Variants in DYRK4 observed in about 807,000 individuals in gnomAD.
DYRK4 encodes the protein dual specificity tyrosine-phosphorylation-regulated kinase 4.
Under a neutral mutation model 68.3 loss-of-function variants are expected in DYRK4, and 64 were observed. That is an observed-to-expected ratio of 0.94 (90% CI 0.77 to 1.15). DYRK4 has a LOEUF of 1.15. DYRK4 is among the 50% of genes most tolerant of loss of function. DYRK4 has a pLI of 0.00. For missense variants in DYRK4, 740 were observed against 764.7 expected, an observed-to-expected ratio of 0.97 and a Z score of 0.38; for synonymous variants, 274 against 289.9, an observed-to-expected ratio of 0.95 and a Z score of 0.56.
intron 2 of DYRK4, among the ~76,000 whole-genome samples, chr12:4,571,104 C>G (rs1944725975): frequency 6.6e-6 from 1 of 152,172 alleles, no homozygotes; most frequent in Admixed American, 6.5e-5. Context: ...TTCTGGGACT[C>G]GAGGAGCTAG....
chr12:4,572,950 C>T lies in DYRK4; in HGVS notation c.132+4902C>T, dbSNP rs553071539. 3 of 245,420 alleles carry T rather than the reference C, an allele frequency of 1.2e-5. No homozygotes were observed. The East Asian group carries it at 3.7e-4, about 30-fold the overall frequency. The allele number at this position is 245,420 out of a possible 1,614,324, so 15.2% of individuals were successfully genotyped here. ...TCATTTCCATGTCTCATCAGCACTTCCTATACGAAAAGCAGGAACAAAACA... is the reference window on the plus strand; with the variant it reads ...TCATTTCCATGTCTCATCAGCACTTTCTATACGAAAAGCAGGAACAAAACA... On this transcript the variant is annotated intron_variant, in intron 2 of 14. Coordinates refer to ENST00000543431, the MANE Select transcript of DYRK4 (RefSeq NM_001394779.1).
At chr12:4,598,970 A>G in intron 8 of DYRK4, 58 bp from the exon 9 acceptor site, 1 of 1,597,810 alleles carries the variant, frequency 6.3e-7, no homozygotes, top group South Asian at 1.1e-5. Context: ...TGCAGGTTCA[A>G]ACTCAGCCTT....
chr12:4,607,246 T>C, intron 11 of DYRK4, 81 bp from the exon 12 acceptor site: 2 of 1,546,828 alleles, frequency 1.3e-6, no homozygotes. Context: ...AAGGCAAAGC[T>C]TGGCCAAAGT....
At chr12:4,605,726 TG>T (rs767987749) in intron 11 of DYRK4, among the ~76,000 whole-genome samples, 1 of 101,698 alleles carries the variant, frequency 9.8e-6, no homozygotes, top group Non-Finnish European at 1.8e-5. Context: ...TGAATAGAGC[TG>T]GGTTTTTTTT....
At position 4,613,627 on chromosome 12, in the gene DYRK4, G is replaced by C; in HGVS notation, c.1779G>C (p.Leu593=). ...AGCACGGAGCTGACACTGTTCAGCT[G>C]CCTCAACTGGTAGACGCTCCCAAGA... is the stretch of plus-strand genomic sequence containing the variant. ...CLQHGADTVQ[L]PQLVDAPKKS... The change falls in exon 15 of 15, where the codon CTG becomes CTC. Residue 593 remains leucine (L), a synonymous_variant. Coordinates refer to ENST00000543431, the MANE Select transcript of DYRK4 (RefSeq NM_001394779.1). This position sits in a 1 kb window ranked among gnomAD's most constrained non-coding sequence, Gnocchi z 4.0. 1 of 1,614,052 alleles carries C rather than the reference G, an allele frequency of 6.2e-7. No homozygotes were observed. Among genetic ancestry groups the C allele is most frequent in the South Asian group, 1.1e-5 (1 of 91,076 alleles).
chr12:4,613,376 TTGGA>T lies in DYRK4; in HGVS notation c.1667-138_1667-135del. The T allele has an allele frequency of 9.1e-7, 1 of 1,100,602 alleles. No individual in the cohort carries two copies. Among genetic ancestry groups the T allele is most frequent in the Non-Finnish European group, 1.3e-6 (1 of 782,630 alleles). The allele number at this position is 1,100,602 out of a possible 1,614,324, so 68.2% of individuals were successfully genotyped here. A position where few individuals can be genotyped will look rare whatever the true frequency, so the allele number is the denominator to read the frequency against. On this transcript the variant is annotated intron_variant, in intron 14 of 14. Transcript: ENST00000543431. This position sits in a 1 kb window ranked among gnomAD's most constrained non-coding sequence, Gnocchi z 4.0. ...AGTGCTTAGAATAATGCCCGGCACA[TTGGA>T]GGTGCTTTACAAATGAACTGTTTTT...
At chr12:4,565,992 G>A (rs1944672731) in intron 1 of DYRK4, among the ~76,000 whole-genome samples, 1 of 152,198 alleles carries the variant, frequency 6.6e-6, no homozygotes, top group Non-Finnish European at 1.5e-5. Flanking sequence ...TCGATACAGA[G>A]TCTTGGCAGG....
At chr12:4,605,728 G>GTTTTTTTTTTTTTTT (rs780888385) in intron 11 of DYRK4, among the ~76,000 whole-genome samples, 1 of 68,938 alleles carries the variant, frequency 1.5e-5, no homozygotes, top group African/African-American at 6.6e-5. Context: ...AATAGAGCTG[G>GTTTTTTTTTTTTTTT]GTTTTTTTTT....
In DYRK4 at chr12:4,593,140, A is replaced by C. The variant is rs1451950652; in HGVS notation, c.602A>C (p.Asp201Ala). ...GAGAAATTTAGCAAGACGAGTTTTGATGATGAGCATGGCTTCTATCTGAAG... is the reference window on the plus strand; with the variant it reads ...GAGAAATTTAGCAAGACGAGTTTTGCTGATGAGCATGGCTTCTATCTGAAG... ...APEKFSKTSFDDEHGFYLKVL... is the reference protein window; with the variant it reads ...APEKFSKTSFADEHGFYLKVL... The change falls in exon 6 of 15, where the codon GAT becomes GCT. Residue 201 changes from aspartate to alanine, a missense_variant. This residue lies in a region of DYRK4 where 614 missense variants were observed against 603.7 expected (regional missense o/e 1.02). Transcript: ENST00000543431. 6.2e-7 allele frequency: 1 copy of C among 1,613,820 alleles called. No homozygotes were observed. Among genetic ancestry groups the C allele is most frequent in the East Asian group, 2.2e-5 (1 of 44,884 alleles).
chr12:4,562,434 G>A (rs1233550778), intron 1 of DYRK4, among the ~76,000 whole-genome samples, 151 bp downstream of exon 1: 3 of 152,244 alleles, frequency 2.0e-5, no homozygotes, highest in African/African-American at 7.2e-5. Flanking sequence ...AGAGAGGCGG[G>A]CTGTGGTGCG....
chr12:4,604,943 C>G lies in DYRK4; in HGVS notation c.1156C>G (p.Arg386Gly), dbSNP rs752961920. Residue 386 changes from arginine (R) to glycine (G), a missense_variant, in exon 11 of 15, where the codon CGA becomes GGA. Transcript: ENST00000543431. ...CACGTACATCCAAAGCCGGTTCTAC[C>G]GATCCCCAGAAGTGATCCTGGGCCA... Reference protein sequence around the residue: ...VYTYIQSRFYRSPEVILGHPY... With the variant: ...VYTYIQSRFYGSPEVILGHPY... The G allele has an allele frequency of 9.3e-6, 15 of 1,611,120 alleles. No individual in the cohort carries two copies. Among genetic ancestry groups the G allele is most frequent in the Middle Eastern group, 1.6e-4 (1 of 6,062 alleles).
At position 4,592,996 on chromosome 12, in the gene DYRK4, A is replaced by T. The variant is rs1401911780; in HGVS notation, c.464-6A>T. ...TGAACTCACAATTGTAGTGTTTTTC[A>T]CACAGAGGCCCTAAAGCTTTTTAAG... On this transcript the variant is annotated splice_polypyrimidine_tract_variant and splice_region_variant and intron_variant, in intron 5 of 14. Transcript: ENST00000543431. The T allele has an allele frequency of 1.2e-6, 2 of 1,611,578 alleles. No homozygotes were observed. Among genetic ancestry groups the T allele is most frequent in the African/African-American group, 2.7e-5 (2 of 74,666 alleles).
intron 3 of DYRK4, 34 bp from the exon 4 acceptor site, chr12:4,590,291 CTAAGG>C (rs1386096495): frequency 6.6e-7 from 1 of 1,515,140 alleles, no homozygotes; most frequent in Admixed American, 2.1e-5. Context: ...GTTTTCTTGC[CTAAGG>C]CTTTTGTAAC....
At chr12:4,612,110 T>C (rs1373351119) in intron 13 of DYRK4, among the ~76,000 whole-genome samples, 1 of 152,240 alleles carries the variant, frequency 6.6e-6, no homozygotes, top group African/African-American at 2.4e-5. Flanking sequence ...TTTGATTGGA[T>C]TATATCCAAG....
In DYRK4 at chr12:4,593,086, T is replaced by C. The variant is rs377694754; in HGVS notation, c.548T>C (p.Leu183Pro). The C allele has an allele frequency of 4.3e-6, 7 of 1,614,076 alleles. No homozygotes were observed. The African/African-American group carries it at 6.7e-5, about 15-fold the overall frequency. The change falls in exon 6 of 15, where the codon CTT becomes CCT. Residue 183 changes from leucine (L) to proline (P), a missense_variant. Leu to Pro is a moderately conservative substitution (Grantham distance 98, BLOSUM62 -3). Transcript: ENST00000543431. ...LGYAELWFLG[L>P]EAKKLDTAPE... The stretch of plus-strand genomic sequence containing the variant: ...TACGCGGAGCTGTGGTTCCTGGGTC[T>C]TGAAGCCAAGAAGCTCGACACGGCT...
At position 4,590,445 on chromosome 12, in the gene DYRK4, G is replaced by C. The variant is rs1474629127; in HGVS notation, c.324+5G>C. 3.3e-6 allele frequency: 5 copies of C among 1,534,662 alleles called. No homozygotes were observed. The East Asian group carries it at 1.2e-4, about 38-fold the overall frequency. On this transcript the variant is annotated splice_donor_5th_base_variant and intron_variant, in intron 4 of 14. Transcript: ENST00000543431. ...AAGTCATCCCTGCTGTATCAGGTGA[G>C]TGCAGACGGACTGGACCCTGAGAAG... is the stretch of plus-strand genomic sequence containing the variant.
chr12:4,594,008 C>T (rs1239952487), intron 6 of DYRK4, among the ~76,000 whole-genome samples: 1 of 152,154 alleles, frequency 6.6e-6, no homozygotes, highest in Admixed American at 6.5e-5. Flanking sequence ...GCCTAAGCTT[C>T]CAGGTGATGC....
chr12:4,581,081 G>A, intron 2 of DYRK4: 1 of 302,982 alleles, frequency 3.3e-6, no homozygotes, highest in South Asian at 2.9e-5. Context: ...TATCCTTTGG[G>A]TCTTGGTGTG....
At chr12:4,600,198 T>C (rs1368958843) in intron 10 of DYRK4, among the ~76,000 whole-genome samples, 1 of 152,218 alleles carries the variant, frequency 6.6e-6, no homozygotes, top group Non-Finnish European at 1.5e-5. Flanking sequence ...CTAGGTTTTA[T>C]TCTTTTTCAA....
Sources: allele counts gnomAD v4.1 joint callset (sites outside exome capture counted in the v4.1 genomes callset), GRCh38; gene constraint gnomAD v4.1.1; regional missense constraint gnomAD v4.1.1; non-coding constraint Gnocchi (gnomAD v3.1); transcripts MANE v1.5; gene names NCBI Gene and HGNC (gene_info 2026-07-23, HGNC 2026-07-21).